The following BTRC variants were observed in gnomAD, a reference collection of about 807,000 sequenced individuals.
The protein encoded by BTRC is beta-transducin repeat containing E3 ubiquitin protein ligase, also known as F-box/WD repeat-containing protein 1A.
A neutral mutation model predicts 85.5 loss-of-function variants in BTRC; 42 were observed. That is an observed-to-expected ratio of 0.49 (90% confidence interval 0.38 to 0.64). BTRC has a LOEUF of 0.64. Ranked by LOEUF, BTRC falls within the 30% of genes least tolerant of loss-of-function variation. The pLI is 0.00. For synonymous variants in BTRC, 255 were observed against 263.3 expected, an observed-to-expected ratio of 0.97 and a Z score of 0.30; for missense variants, 594 against 743.5, an observed-to-expected ratio of 0.80 and a Z score of 2.34.
rs144528159 is a variant in BTRC, at chr10:101,381,284, G to A, written c.48+27056G>A. ...TTACAAATGTGGAAACTGAGGCACAGACAGGTTGTTACTTTTTCCAGATCA... is the reference window on the plus strand; with the variant it reads ...TTACAAATGTGGAAACTGAGGCACAAACAGGTTGTTACTTTTTCCAGATCA... On this transcript the variant is annotated intron_variant, in intron 1 of 14. Transcript: ENST00000370187. Among the ~76,000 whole-genome samples the A allele has an allele frequency of 1.1e-3, 174 of 152,284 alleles. 4 individuals carry two copies. The East Asian group carries it at 0.032, about 28-fold the overall frequency.
intron 13 of BTRC, among the ~76,000 whole-genome samples, chr10:101,540,064 G>A (rs1564836304): frequency 6.6e-6 from 1 of 152,046 alleles, no homozygotes; most frequent in Admixed American, 6.5e-5. Context: ...TTTTCTCCAC[G>A]TTCATAAAAT....
At chr10:101,507,702 G>A (rs907683087) in intron 4 of BTRC, among the ~76,000 whole-genome samples, 3 of 152,170 alleles carry the variant, frequency 2.0e-5, no homozygotes, top group African/African-American at 7.2e-5. Context: ...ATCAAGAAAG[G>A]CTGTGTCCTG....
At chr10:101,433,890 C>A (rs1454884329) in intron 2 of BTRC, among the ~76,000 whole-genome samples, 1 of 151,850 alleles carries the variant, frequency 6.6e-6, no homozygotes, top group African/African-American at 2.4e-5. Context: ...TTATTGAGGA[C>A]CCCAAAGTGC....
chr10:101,461,032 A>G (rs980533091), intron 2 of BTRC, among the ~76,000 whole-genome samples: 5 of 151,996 alleles, frequency 3.3e-5, no homozygotes, highest in African/African-American at 9.7e-5. Flanking sequence ...ACTCTCGAGT[A>G]GCTGGGATTA....
chr10:101,492,487 T>A (rs1946158609), intron 4 of BTRC, among the ~76,000 whole-genome samples: 1 of 152,172 alleles, frequency 6.6e-6, no homozygotes, highest in African/African-American at 2.4e-5. Context: ...AGTTTGTATA[T>A]TTTTCTCTTA....
intron 13 of BTRC, among the ~76,000 whole-genome samples, chr10:101,543,275 T>C (rs1589622678): frequency 6.6e-6 from 1 of 152,360 alleles, no homozygotes; most frequent in Non-Finnish European, 1.5e-5. Context: ...AATGTCCTTC[T>C]TTGATGTTTA....
At chr10:101,548,234 A>G (rs2062588693) in intron 13 of BTRC, among the ~76,000 whole-genome samples, 1 of 152,242 alleles carries the variant, frequency 6.6e-6, no homozygotes, top group African/African-American at 2.4e-5. Flanking sequence ...GTCTACTCCT[A>G]GTTGAAATGG....
intron 1 of BTRC, among the ~76,000 whole-genome samples, chr10:101,355,173 A>G (rs547206970): frequency 2.6e-5 from 4 of 152,286 alleles, no homozygotes; most frequent in South Asian, 4.1e-4. Context: ...TTTCTGGGAA[A>G]GGAAAGGCCG....
Position 101,421,684 on chromosome 10 carries a change from C to A in BTRC, c.49-8661C>A, listed in dbSNP as rs945849173. 3.0e-5 allele frequency among the ~76,000 whole-genome samples: 4 copies of A among 132,868 alleles called. No individual in the cohort carries two copies. In the East Asian group the frequency reaches 6.8e-4, roughly 23 times the overall value. The allele number at this position is 132,868 out of a possible 152,430, so 87.2% of individuals were successfully genotyped here. The stretch of plus-strand genomic sequence containing the variant: ...TTCCTCTTCTGTGTCCAAGTGTTTT[C>A]ATTGTTCAATTCCCACCAAGAGTGA... On this transcript the variant is annotated intron_variant, in intron 1 of 14. Coordinates refer to ENST00000370187, the MANE Select transcript of BTRC (RefSeq NM_033637.4).
chr10:101,473,820 ACTCCTGAG>A (rs939794914), intron 3 of BTRC, among the ~76,000 whole-genome samples: 11 of 151,084 alleles, frequency 7.3e-5, no homozygotes, highest in African/African-American at 2.7e-4. Flanking sequence ...CTGGTCCTGA[ACTCCTGAG>A]CTCAAGCTAT....
chr10:101,384,398 C>T (rs1943014825), intron 1 of BTRC, among the ~76,000 whole-genome samples: 1 of 152,212 alleles, frequency 6.6e-6, no homozygotes, highest in Non-Finnish European at 1.5e-5. Flanking sequence ...CTGATTAGTG[C>T]CAGTACGTGC....
At position 101,455,983 on chromosome 10, in the gene BTRC, A is replaced by AAC. The variant is rs745628596; in HGVS notation, c.157-5964_157-5963dup. Among the ~76,000 whole-genome samples, 260 of 96,044 alleles carry AAC rather than the reference A, an allele frequency of 2.7e-3. 6 individuals are homozygous for AAC. Among genetic ancestry groups the AAC allele is most frequent in the African/African-American group, 0.01 (224 of 21,958 alleles). 63.0% of individuals were successfully genotyped at this position (96,044 alleles called of 152,430 possible). ...ATGGTGAAACTCTGTCTCTACTAAAAACACACACACACACACACACACACA... is the reference window on the plus strand; with the variant it reads ...ATGGTGAAACTCTGTCTCTACTAAAAACACACACACACACACACACACACACA... On this transcript the variant is annotated intron_variant, in intron 2 of 14. Coordinates refer to ENST00000370187, the MANE Select transcript of BTRC (RefSeq NM_033637.4).
chr10:101,419,278 T>G (rs1185679997), intron 1 of BTRC, among the ~76,000 whole-genome samples: 1 of 152,178 alleles, frequency 6.6e-6, no homozygotes, highest in Non-Finnish European at 1.5e-5. Flanking sequence ...CCCAAAGTGC[T>G]GGGATTACAG....
chr10:101,406,342 A>G (rs1488015369), intron 1 of BTRC, among the ~76,000 whole-genome samples: 4 of 151,312 alleles, frequency 2.6e-5, no homozygotes, highest in African/African-American at 9.7e-5. Flanking sequence ...ACGCCCGGCT[A>G]ACATTTTGTA....
At chr10:101,393,802 G>A (rs1301057545) in intron 1 of BTRC, among the ~76,000 whole-genome samples, 1 of 152,140 alleles carries the variant, frequency 6.6e-6, no homozygotes, top group Non-Finnish European at 1.5e-5. Context: ...ACCCTGCTTT[G>A]GAAACCACCT....
At chr10:101,550,587 A>G in intron 13 of BTRC, 112 bp from the exon 14 acceptor site, 7 of 1,216,746 alleles carry the variant, frequency 5.8e-6, no homozygotes, top group Non-Finnish European at 8.2e-6. Flanking sequence ...TGGCCTCTTT[A>G]TAACAGCAAA....
chr10:101,390,180 G>C (rs1471898123), intron 1 of BTRC, among the ~76,000 whole-genome samples: 1 of 152,044 alleles, frequency 6.6e-6, no homozygotes, highest in Admixed American at 6.6e-5. Context: ...ATAAATACTT[G>C]TGAAGTCACT....
chr10:101,495,597 A>G (rs1231870815), intron 4 of BTRC, among the ~76,000 whole-genome samples: 1 of 152,192 alleles, frequency 6.6e-6, no homozygotes, highest in African/African-American at 2.4e-5. Flanking sequence ...TAGGTTTGCA[A>G]GTGAAGATAT....
At chr10:101,444,328 C>T (rs1944768011) in intron 2 of BTRC, among the ~76,000 whole-genome samples, 1 of 152,076 alleles carries the variant, frequency 6.6e-6, no homozygotes, top group African/African-American at 2.4e-5. Flanking sequence ...ACTGGTAGTT[C>T]CCACTGGTGA....
Sources: allele counts gnomAD v4.1 joint callset (sites outside exome capture counted in the v4.1 genomes callset), GRCh38; gene constraint gnomAD v4.1.1; transcripts MANE v1.5; gene names NCBI Gene and HGNC (gene_info 2026-07-23, HGNC 2026-07-21).